MDFIC2: variants seen among roughly 807,000 people sequenced by gnomAD.
MDFIC2 encodes MyoD family inhibitor domain containing 2.
At chr3:70,238,283 T>TA (rs767411319) in intron 2 of MDFIC2, among the ~76,000 whole-genome samples, 17 of 151,914 alleles carry the variant, frequency 1.1e-4, no homozygotes, top group Non-Finnish European at 1.9e-4. Flanking sequence ...GGGCTTTGGG[T>TA]AGACAGAGCC....
chr3:70,303,688 T>G (rs1408171169), intron 2 of MDFIC2, among the ~76,000 whole-genome samples: 2 of 152,182 alleles, frequency 1.3e-5, no homozygotes, highest in African/African-American at 4.8e-5. Context: ...CTTTATTTTA[T>G]TTTATTTTTC....
chr3:70,285,197 TCCCTCCC>T (rs1702131275), intron 2 of MDFIC2, among the ~76,000 whole-genome samples: 1 of 114,054 alleles, frequency 8.8e-6, no homozygotes, highest in Non-Finnish European at 1.8e-5. Flanking sequence ...CCCAATGCTA[TCCCTCCC>T]CCCTCCCCCC....
intron 2 of MDFIC2, among the ~76,000 whole-genome samples, chr3:70,278,609 T>C (rs923428294): frequency 6.6e-6 from 1 of 152,188 alleles, no homozygotes; most frequent in Non-Finnish European, 1.5e-5. Context: ...ATGCCTTTAT[T>C]GACTACTTGC....
chr3:70,308,804 G>A (rs1702428891), intron 2 of MDFIC2, among the ~76,000 whole-genome samples: 1 of 152,136 alleles, frequency 6.6e-6, no homozygotes, highest in Non-Finnish European at 1.5e-5. Context: ...ACTCAGAATG[G>A]TGATGATGGT....
At chr3:70,302,972 A>G (rs958017060) in intron 2 of MDFIC2, among the ~76,000 whole-genome samples, 7 of 152,328 alleles carry the variant, frequency 4.6e-5, no homozygotes, top group African/African-American at 1.4e-4. Flanking sequence ...ATGAGAACAC[A>G]GAAGATCTCA....
intron 2 of MDFIC2, among the ~76,000 whole-genome samples, chr3:70,211,406 G>T (rs1221935686): frequency 4.1e-4 from 1 of 2,438 alleles, no homozygotes; most frequent in African/African-American, 5.5e-4. Flanking sequence ...CCTTCCTTTT[G>T]CCCTTCCCTT....
chr3:70,280,828 G>A, intron 2 of MDFIC2, among the ~76,000 whole-genome samples: 1 of 152,122 alleles, frequency 6.6e-6, no homozygotes, highest in East Asian at 1.9e-4. Flanking sequence ...CCATCCCAGA[G>A]ACGGTACTGC....
intron 2 of MDFIC2, among the ~76,000 whole-genome samples, chr3:70,297,567 A>T (rs1473033758): frequency 6.6e-6 from 1 of 152,162 alleles, no homozygotes; most frequent in African/African-American, 2.4e-5. Context: ...GTGGAGCAAT[A>T]TGTATATTTG....
intron 2 of MDFIC2, among the ~76,000 whole-genome samples, chr3:70,248,611 T>C (rs1701730933): frequency 6.6e-6 from 1 of 152,118 alleles, no homozygotes; most frequent in Non-Finnish European, 1.5e-5. Flanking sequence ...AAGATTGGAT[T>C]AGAAGAGCAA....
chr3:70,301,424 T>C (rs1487284218), intron 2 of MDFIC2, among the ~76,000 whole-genome samples: 1 of 152,104 alleles, frequency 6.6e-6, no homozygotes, highest in Non-Finnish European at 1.5e-5. Context: ...CTGAATCCTA[T>C]GGTAAACAGG....
At chr3:70,278,514 G>A (rs537474282) in intron 2 of MDFIC2, among the ~76,000 whole-genome samples, 34 of 152,256 alleles carry the variant, frequency 2.2e-4, no homozygotes, top group East Asian at 3.9e-4. Flanking sequence ...TTATACATCC[G>A]TCAAGACTGT....
intron 2 of MDFIC2, among the ~76,000 whole-genome samples, chr3:70,288,769 A>G (rs1702195282): frequency 2.0e-5 from 3 of 151,786 alleles, no homozygotes; most frequent in African/African-American, 7.3e-5. Flanking sequence ...TATATTTAGG[A>G]TAGTTAGCTC....
At chr3:70,245,978 T>G (rs549628218) in intron 2 of MDFIC2, among the ~76,000 whole-genome samples, 17 of 151,568 alleles carry the variant, frequency 1.1e-4, no homozygotes, top group African/African-American at 3.4e-4. Context: ...GGTAGGGAAC[T>G]GAAATTGACA....
At chr3:70,244,894 G>A (rs1701692290) in intron 2 of MDFIC2, among the ~76,000 whole-genome samples, 1 of 152,056 alleles carries the variant, frequency 6.6e-6, no homozygotes, top group Admixed American at 6.6e-5. Context: ...CTTTAAAAAG[G>A]AAATTCATTC....
intron 2 of MDFIC2, among the ~76,000 whole-genome samples, chr3:70,237,450 T>C (rs769380846): frequency 3.0e-4 from 46 of 152,194 alleles, no homozygotes; most frequent in Non-Finnish European, 5.3e-4. Context: ...TCCGATTCCT[T>C]TCAGTGAAAC....
chr3:70,236,629 T>A (rs1701611869), intron 2 of MDFIC2, among the ~76,000 whole-genome samples: 1 of 152,152 alleles, frequency 6.6e-6, no homozygotes, highest in Non-Finnish European at 1.5e-5. Flanking sequence ...AGGGTCTCAC[T>A]CTGTCACCCA....
chr3:70,240,172 C>G (rs1701653135), intron 2 of MDFIC2, among the ~76,000 whole-genome samples: 1 of 151,790 alleles, frequency 6.6e-6, no homozygotes, highest in Non-Finnish European at 1.5e-5. Context: ...GTAAAATGGC[C>G]ATTTTAGATA....
intron 2 of MDFIC2, among the ~76,000 whole-genome samples, chr3:70,248,587 A>G (rs1701730646): frequency 6.6e-6 from 1 of 152,136 alleles, no homozygotes; most frequent in South Asian, 2.1e-4. Context: ...TGTTGGCAGC[A>G]GATTGGAAGG....
rs114924235 is a variant in MDFIC2 at position 70,229,232 on chromosome 3, A to G, written c.89-22442T>C. On this transcript the variant is annotated intron_variant, in intron 2 of 3. Transcript: ENST00000567252. ...GTCAGAGGAGGAATGGTCAGGAAGCAAGAGAAAATTCCAGAGATAGCCAAG... is the reference window on the plus strand; with the variant it reads ...GTCAGAGGAGGAATGGTCAGGAAGCGAGAGAAAATTCCAGAGATAGCCAAG... 4.4e-3 allele frequency among the ~76,000 whole-genome samples: 676 copies of G among 152,336 alleles called. 8 individuals carry two copies. The highest frequency in any genetic ancestry group is 0.014 in the African/African-American group (598 of 41,578).
Sources: allele counts gnomAD v4.1 joint callset (sites outside exome capture counted in the v4.1 genomes callset), GRCh38; gene constraint gnomAD v4.1.1; transcripts MANE v1.5; gene names NCBI Gene and HGNC (gene_info 2026-07-23, HGNC 2026-07-21).